Variants in MID2 observed in about 807,000 individuals in gnomAD.
MID2 encodes probable E3 ubiquitin-protein ligase MID2.
In MID2, 13 loss-of-function variants were observed where a neutral mutation model predicts 46.1. The observed-to-expected ratio is 0.28, with a 90% confidence interval of 0.18 to 0.45. MID2 has a LOEUF of 0.45. Ranked by LOEUF, MID2 falls within the 20% of genes least tolerant of loss-of-function variation. The pLI is 1.00. For missense variants in MID2, 431 were observed against 575.4 expected, an observed-to-expected ratio of 0.75 and a Z score of 2.57; for synonymous variants, 199 against 212.3, an observed-to-expected ratio of 0.94 and a Z score of 0.55.
chrX:107,917,579 G>A lies in MID2; in HGVS notation c.1275G>A (p.Ser425=), dbSNP rs1469885745. 8 of 1,209,321 alleles carry A rather than the reference G, an allele frequency of 6.6e-6. No individual in the cohort carries two copies. In the African/African-American group the frequency reaches 8.8e-5, roughly 13 times the overall value. Reference sequence around the variant, plus strand: ...ACACCATTACAGTCCACTGGATCTCGGATGATGAGTTCAGCATCAGCTCCT... The same window carrying A: ...ACACCATTACAGTCCACTGGATCTCAGATGATGAGTTCAGCATCAGCTCCT... The part of the protein sequence containing the change: ...SHDTITVHWI[S]DDEFSISSYE... Residue 425 remains serine, a synonymous_variant, in exon 7 of 10, where the codon TCG becomes TCA. Transcript: ENST00000262843.
At chrX:107,896,904 T>C (rs780659096) in intron 3 of MID2, among the ~76,000 whole-genome samples, 128 of 111,188 alleles carry the variant, frequency 1.2e-3, no homozygotes, top group African/African-American at 4.0e-3. Context: ...GGCTCTGATA[T>C]TTACTAGTTA....
At position 107,899,569 on chromosome X, in the gene MID2, C is replaced by T. The variant is rs1339741898; in HGVS notation, c.817-4389C>T. Among the ~76,000 whole-genome samples the T allele has an allele frequency of 7.2e-5, 8 of 111,385 alleles. No individual in the cohort carries two copies. In the East Asian group the frequency reaches 2.0e-3, roughly 28 times the overall value. ...AAGAGCAAAGAGCAGAGAAGAGGAC[C>T]TGGAGACTTACCAGGGAGCCTGTGT... On this transcript the variant is annotated intron_variant, in intron 3 of 9. Coordinates refer to ENST00000262843, the MANE Select transcript of MID2 (RefSeq NM_012216.4).
chrX:107,826,374 A>C lies in MID2; in HGVS notation c.-53A>C. 2 of 1,123,604 alleles carry C rather than the reference A, an allele frequency of 1.8e-6. No individual in the cohort carries two copies. Among genetic ancestry groups the C allele is most frequent in the Admixed American group, 5.8e-5 (2 of 34,383 alleles). 92.6% of individuals were successfully genotyped at this position (1,123,604 alleles called of 1,213,427 possible). ...AGCCAACCCGCTGCGGAGGCAGACG[A>C]GAGCCCAGCGCCCTCGAGCGAGCGG... On this transcript the variant is annotated 5_prime_UTR_variant, in exon 1 of 10. Transcript: ENST00000262843.
intron 5 of MID2, among the ~76,000 whole-genome samples, chrX:107,908,113 C>A (rs1025620598): frequency 1.8e-5 from 2 of 112,485 alleles, no homozygotes; most frequent in African/African-American, 6.5e-5. Context: ...ACTTTTACAA[C>A]AAAGCCAAGC....
At chrX:107,868,974 T>C (rs1363024433) in intron 3 of MID2, among the ~76,000 whole-genome samples, 1 of 111,364 alleles carries the variant, frequency 9.0e-6, no homozygotes, top group Non-Finnish European at 1.9e-5. Flanking sequence ...TTTTTACCTG[T>C]CACGTGTTGT....
chrX:107,884,790 G>A (rs955985467), intron 3 of MID2, among the ~76,000 whole-genome samples: 3 of 112,167 alleles, frequency 2.7e-5, no homozygotes, highest in Non-Finnish European at 5.6e-5. Flanking sequence ...TCTGTCATTT[G>A]CTAGCTTATA....
At chrX:107,896,300 G>A (rs757440320) in intron 3 of MID2, 1 of 112,108 alleles carries the variant, frequency 8.9e-6, no homozygotes, top group Non-Finnish European at 1.9e-5. Flanking sequence ...GGAGGTGGAG[G>A]TTGAATTGAG....
Position 107,825,949 on chromosome X carries a change from G to C in MID2, c.-478G>C. ...GGGAGTGGCGGGGGCGGCGGAAGGT[G>C]AGCCTGGGAAGGTGGCCGAGCACCC... On this transcript the variant is annotated 5_prime_UTR_variant, in exon 1 of 10. Transcript: ENST00000262843. 1 of 265,791 alleles carries C rather than the reference G, an allele frequency of 3.8e-6. No homozygotes were observed. The highest frequency in any genetic ancestry group is 6.7e-6 in the Non-Finnish European group (1 of 150,014). 21.9% of individuals were successfully genotyped at this position (265,791 alleles called of 1,213,427 possible).
rs1472252027 is a variant in MID2, at chrX:107,931,341, C to T, written c.*4268C>T. Among the ~76,000 whole-genome samples the T allele has an allele frequency of 8.9e-6, 1 of 112,322 alleles. No individual in the cohort carries two copies. The highest frequency in any genetic ancestry group is 2.8e-4 in the East Asian group (1 of 3,581). On this transcript the variant is annotated 3_prime_UTR_variant, in exon 10 of 10. Coordinates refer to ENST00000262843, the MANE Select transcript of MID2 (RefSeq NM_012216.4). ...ATTTGGCTGTGTGTTACAGGTTGGC[C>T]AAACTGATTGCCATCAGGTCAGACA...
intron 3 of MID2, among the ~76,000 whole-genome samples, chrX:107,891,884 G>C (rs1053729071): frequency 1.8e-5 from 2 of 111,389 alleles, no homozygotes; most frequent in Admixed American, 9.6e-5. Context: ...TTGGGCCCTT[G>C]CTTCTTCTGT....
chrX:107,904,900 A>G (rs1164130013), intron 4 of MID2, among the ~76,000 whole-genome samples: 1 of 111,464 alleles, frequency 9.0e-6, no homozygotes, highest in African/African-American at 3.3e-5. Flanking sequence ...GTGATCACTA[A>G]TAATTTGTGC....
intron 5 of MID2, among the ~76,000 whole-genome samples, chrX:107,907,692 C>T (rs969176301): frequency 3.6e-5 from 4 of 111,921 alleles, no homozygotes; most frequent in African/African-American, 1.3e-4. Flanking sequence ...CCTCTCCTTC[C>T]CTGCACAGCA....
At chrX:107,885,615 G>T (rs1932435381) in intron 3 of MID2, among the ~76,000 whole-genome samples, 1 of 110,968 alleles carries the variant, frequency 9.0e-6, no homozygotes, top group Admixed American at 9.6e-5. Flanking sequence ...AGCATGTTTT[G>T]TAATCCTTTG....
chrX:107,922,005 C>G (rs1026819596), intron 7 of MID2, among the ~76,000 whole-genome samples: 5 of 111,719 alleles, frequency 4.5e-5, no homozygotes, highest in Non-Finnish European at 9.4e-5. Flanking sequence ...ACACAAATAT[C>G]CATACATGTA....
At position 107,839,383 on chromosome X, in the gene MID2, T is replaced by G. The variant is rs376912118; in HGVS notation, c.5-1287T>G. 3.4e-3 allele frequency among the ~76,000 whole-genome samples: 371 copies of G among 107,989 alleles called. 3 individuals carry two copies. Among genetic ancestry groups the G allele is most frequent in the African/African-American group, 0.011 (338 of 29,484 alleles). The allele number at this position is 107,989 out of a possible 115,157, so 93.8% of individuals were successfully genotyped here. On this transcript the variant is annotated intron_variant, in intron 1 of 9. Transcript: ENST00000262843. The stretch of plus-strand genomic sequence containing the variant: ...CTTTTTTTGTTTGTTTTGTTTGTTT[T>G]TTTTTTTTTTGGCAGTCTCACTCTG...
chrX:107,841,521 T>C (rs1931347715), intron 2 of MID2, 136 bp downstream of exon 2: 1 of 460,057 alleles, frequency 2.2e-6, no homozygotes, highest in Admixed American at 4.2e-5. Context: ...AATAACCTGC[T>C]CTCCTGCAAG....
chrX:107,883,440 AC>A (rs1932376378), intron 3 of MID2, among the ~76,000 whole-genome samples: 1 of 111,987 alleles, frequency 8.9e-6, no homozygotes, highest in Non-Finnish European at 1.9e-5. Flanking sequence ...GGATGGACAC[AC>A]GGGGCTTCAT....
intron 3 of MID2, among the ~76,000 whole-genome samples, chrX:107,887,367 A>T (rs973592281): frequency 3.6e-5 from 4 of 112,195 alleles, no homozygotes; most frequent in African/African-American, 1.3e-4. Flanking sequence ...TCTTTTCTGC[A>T]TCTATTGAGA....
In MID2 at chrX:107,930,348, C is replaced by G. The variant is rs1396218358; in HGVS notation, c.*3275C>G. Among the ~76,000 whole-genome samples the G allele has an allele frequency of 1.8e-5, 2 of 111,937 alleles. No homozygotes were observed. Among genetic ancestry groups the G allele is most frequent in the African/African-American group, 6.5e-5 (2 of 30,851 alleles). On this transcript the variant is annotated 3_prime_UTR_variant, in exon 10 of 10. Transcript: ENST00000262843. ...CATAATAAATGATCATTGTCCTCCT[C>G]AAAAACTCTTTGGCAGTTATCTTGG... is the stretch of plus-strand genomic sequence containing the variant.
Sources: allele counts gnomAD v4.1 joint callset (sites outside exome capture counted in the v4.1 genomes callset), GRCh38; gene constraint gnomAD v4.1.1; transcripts MANE v1.5; gene names NCBI Gene and HGNC (gene_info 2026-07-23, HGNC 2026-07-21).